CSTF1: variants seen among roughly 807,000 people sequenced by gnomAD.
The protein encoded by CSTF1 is CF-1 50 kDa subunit.
CSTF1 carries 2 observed loss-of-function variants against 40.9 expected under a neutral mutation model. That is an observed-to-expected ratio of 0.05 (90% CI 0.02 to 0.15). CSTF1 has a LOEUF of 0.15. Among genes scored for constraint, CSTF1 ranks in the 10% least tolerant of loss-of-function variants. The pLI is 1.00. For missense variants in CSTF1, 279 were observed against 558.9 expected, an observed-to-expected ratio of 0.50 and a Z score of 5.05; for synonymous variants, 218 against 207.2, an observed-to-expected ratio of 1.05 and a Z score of -0.45.
At position 56,404,985 on chromosome 20, in the gene CSTF1, A is replaced by G. The variant is rs1490845563; in HGVS notation, c.*1258A>G. 1 of 151,456 alleles carries G rather than the reference A, an allele frequency of 6.6e-6. No individual in the cohort carries two copies. The highest frequency in any genetic ancestry group is 2.4e-5 in the African/African-American group (1 of 41,118). The allele number at this position is 151,456 out of a possible 1,614,324, so 9.4% of individuals were successfully genotyped here. A position where few individuals can be genotyped will look rare whatever the true frequency, so the allele number is the denominator to read the frequency against. Reference sequence around the variant, plus strand: ...CAGCCTTCCTGAAGCTTTTTAGAACATGACAGTACTTCTCTGGATTCAGCA... The same window carrying G: ...CAGCCTTCCTGAAGCTTTTTAGAACGTGACAGTACTTCTCTGGATTCAGCA... On this transcript the variant is annotated 3_prime_UTR_variant, in exon 6 of 6. Coordinates refer to ENST00000217109, the MANE Select transcript of CSTF1 (RefSeq NM_001324.3).
intron 4 of CSTF1, among the ~76,000 whole-genome samples, chr20:56,398,467 G>A (rs1452578197): frequency 6.6e-6 from 1 of 152,214 alleles, no homozygotes; most frequent in East Asian, 1.9e-4. Context: ...CTACTCAGGA[G>A]GCGGAGGCAA....
intron 5 of CSTF1, among the ~76,000 whole-genome samples, chr20:56,401,444 G>C (rs746008274): frequency 6.6e-6 from 1 of 152,176 alleles, no homozygotes; most frequent in Non-Finnish European, 1.5e-5. Flanking sequence ...GAGATTTCGG[G>C]AAATCATATT....
In CSTF1 at chr20:56,397,311, A is replaced by G. The variant is rs551234706; in HGVS notation, c.274A>G (p.Met92Val). ...GGAATTTGATGCAGATGTTCAGACTATGTCCCCAGAGGCTTCTGAGTACGA... is the reference window on the plus strand; with the variant it reads ...GGAATTTGATGCAGATGTTCAGACTGTGTCCCCAGAGGCTTCTGAGTACGA... ...DLEFDADVQTMSPEASEYETC... is the reference protein window; with the variant it reads ...DLEFDADVQTVSPEASEYETC... The change falls in exon 3 of 6, where the codon ATG becomes GTG. Residue 92 changes from methionine to valine, a missense_variant. Met to Val is a conservative substitution (Grantham distance 21). This residue lies in a region of CSTF1 where 66 missense variants were observed against 148.0 expected (regional missense o/e 0.45). Coordinates refer to ENST00000217109, the MANE Select transcript of CSTF1 (RefSeq NM_001324.3). This position sits in a 1 kb window ranked among gnomAD's most constrained non-coding sequence, Gnocchi z 4.4. The G allele has an allele frequency of 4.3e-6, 7 of 1,614,214 alleles. No individual in the cohort carries two copies. The highest frequency in any genetic ancestry group is 2.7e-5 in the African/African-American group (2 of 75,056).
chr20:56,393,212 G>A (rs1319019940), intron 1 of CSTF1, among the ~76,000 whole-genome samples: 1 of 151,584 alleles, frequency 6.6e-6, no homozygotes, highest in Non-Finnish European at 1.5e-5. Flanking sequence ...GATGTGCTCA[G>A]CAGAAGTGAA....
rs1978368771 is a variant in CSTF1, at chr20:56,399,634, A to G, written c.1036+277A>G. ...GCAAGTAACATTTGAGAACCTGGTGATCCATTTGTAGACTGGCATGCCCTC... is the reference window on the plus strand; with the variant it reads ...GCAAGTAACATTTGAGAACCTGGTGGTCCATTTGTAGACTGGCATGCCCTC... On this transcript the variant is annotated intron_variant, in intron 5 of 5. Coordinates refer to ENST00000217109, the MANE Select transcript of CSTF1 (RefSeq NM_001324.3). The surrounding 1 kb of genome is among the most constrained non-coding windows in gnomAD (Gnocchi z 4.6). Among the ~76,000 whole-genome samples the G allele has an allele frequency of 6.6e-6, 1 of 152,206 alleles. No homozygotes were observed. The highest frequency in any genetic ancestry group is 1.5e-5 in the Non-Finnish European group (1 of 68,030).
At position 56,404,001 on chromosome 20, in the gene CSTF1, T is replaced by C. The variant is rs1978593980; in HGVS notation, c.*274T>C. ...TAAGTACAGGACTTGCCGTTTCTTT[T>C]GATCTCTTGATTGAAGGAGGATAGG... On this transcript the variant is annotated 3_prime_UTR_variant, in exon 6 of 6. Transcript: ENST00000217109. 2.8e-6 allele frequency: 1 copy of C among 357,146 alleles called. No individual in the cohort carries two copies. Among genetic ancestry groups the C allele is most frequent in the African/African-American group, 2.0e-5 (1 of 49,608 alleles). The allele number at this position is 357,146 out of a possible 1,614,324, so 22.1% of individuals were successfully genotyped here.
intron 1 of CSTF1, among the ~76,000 whole-genome samples, chr20:56,393,801 G>C (rs1355015945): frequency 6.6e-6 from 1 of 152,134 alleles, no homozygotes; most frequent in Non-Finnish European, 1.5e-5. Flanking sequence ...ATCTTCCCTG[G>C]TTTATAAGGA....
In CSTF1 at chr20:56,403,731, A is replaced by G. The variant is rs767553332; in HGVS notation, c.*4A>G. 1.2e-6 allele frequency: 2 copies of G among 1,609,456 alleles called. No homozygotes were observed. Among genetic ancestry groups the G allele is most frequent in the East Asian group, 4.5e-5 (2 of 44,736 alleles). Reference sequence around the variant, plus strand: ...CCGGAGATCGACCACTGACTGAGCCACCCTCTCCGTAGGGTTCTTTCTCGA... The same window carrying G: ...CCGGAGATCGACCACTGACTGAGCCGCCCTCTCCGTAGGGTTCTTTCTCGA... On this transcript the variant is annotated 3_prime_UTR_variant, in exon 6 of 6. Transcript: ENST00000217109.
rs1389408344 is a variant in CSTF1, at chr20:56,399,442, C to G, written c.1036+85C>G. ...CTTTTAAGACCTCACAATAGAGCAACACAATATCTATGCATTGAGCAAGGC... is the reference window on the plus strand; with the variant it reads ...CTTTTAAGACCTCACAATAGAGCAAGACAATATCTATGCATTGAGCAAGGC... On this transcript the variant is annotated intron_variant, in intron 5 of 5. Transcript: ENST00000217109. This position sits in a 1 kb window ranked among gnomAD's most constrained non-coding sequence, Gnocchi z 4.6. The G allele has an allele frequency of 8.2e-6, 10 of 1,217,128 alleles. No individual in the cohort carries two copies. The highest frequency in any genetic ancestry group is 1.2e-5 in the Non-Finnish European group (10 of 868,338). The allele number at this position is 1,217,128 out of a possible 1,614,324, so 75.4% of individuals were successfully genotyped here.
chr20:56,400,244 CATT>C (rs1456953696), intron 5 of CSTF1, among the ~76,000 whole-genome samples: 1 of 152,182 alleles, frequency 6.6e-6, no homozygotes, highest in Non-Finnish European at 1.5e-5. Flanking sequence ...AGATTTGTCT[CATT>C]GTAACCAAAG....
intron 4 of CSTF1, 50 bp from the exon 5 acceptor site, chr20:56,398,917 T>G: frequency 2.7e-6 from 4 of 1,485,084 alleles, no homozygotes; most frequent in Non-Finnish European, 3.6e-6. Flanking sequence ...TTCCTCTGGA[T>G]TTAATTGTTC....
chr20:56,392,793 T>C (rs1987304909), intron 1 of CSTF1, 80 bp downstream of exon 1: 1 of 152,232 alleles, frequency 6.6e-6, no homozygotes, highest in Non-Finnish European at 1.5e-5. Flanking sequence ...GGGGCGAGAC[T>C]GGAAGAGTCG....
chr20:56,395,429 C>A, intron 1 of CSTF1, 92 bp from the exon 2 acceptor site: 2 of 737,252 alleles, frequency 2.7e-6, no homozygotes, highest in South Asian at 2.1e-5. Context: ...GGATTTGAGT[C>A]CTGCAAGATT....
At chr20:56,402,057 A>G (rs999538807) in intron 5 of CSTF1, among the ~76,000 whole-genome samples, 14 of 152,088 alleles carry the variant, frequency 9.2e-5, no homozygotes, top group African/African-American at 3.4e-4. Flanking sequence ...CTATTATCCC[A>G]GCACTTTGGG....
chr20:56,399,241 C>T lies in CSTF1; in HGVS notation c.920C>T (p.Ala307Val). 6.2e-7 allele frequency: 1 copy of T among 1,614,218 alleles called. No individual in the cohort carries two copies. Among genetic ancestry groups the T allele is most frequent in the Non-Finnish European group, 8.5e-7 (1 of 1,180,040 alleles). ...ITTFEKAHDG[A>V]EVCSAIFSKN... ...ACTTTTGAGAAAGCACATGACGGTG[C>T]TGAAGTTTGTTCTGCCATTTTTTCC... The change falls in exon 5 of 6, where the codon GCT (alanine) becomes GTT (valine). Residue 307 changes from alanine (A) to valine (V), a missense_variant. Ala to Val is a moderately conservative substitution (Grantham distance 64). This residue lies in a region of CSTF1 where 162 missense variants were observed against 337.1 expected (regional missense o/e 0.48). Coordinates refer to ENST00000217109, the MANE Select transcript of CSTF1 (RefSeq NM_001324.3). The surrounding 1 kb of genome is among the most constrained non-coding windows in gnomAD (Gnocchi z 4.6).
At position 56,397,170 on chromosome 20, in the gene CSTF1, C is replaced by T; in HGVS notation, c.170-37C>T. The T allele has an allele frequency of 6.3e-7, 1 of 1,581,958 alleles. No homozygotes were observed. Among genetic ancestry groups the T allele is most frequent in the Non-Finnish European group, 8.6e-7 (1 of 1,163,260 alleles). The stretch of plus-strand genomic sequence containing the variant: ...ATCTTGGCCTTTTTAAGAAAAAACA[C>T]TTGTTTTGTTACGCCCTTAATTTTG... On this transcript the variant is annotated intron_variant, in intron 2 of 5. Coordinates refer to ENST00000217109, the MANE Select transcript of CSTF1 (RefSeq NM_001324.3). This position sits in a 1 kb window ranked among gnomAD's most constrained non-coding sequence, Gnocchi z 4.4.
chr20:56,394,894 T>C (rs1385847242), intron 1 of CSTF1, among the ~76,000 whole-genome samples: 1 of 152,234 alleles, frequency 6.6e-6, no homozygotes, highest in African/African-American at 2.4e-5. Flanking sequence ...CAATATTTTA[T>C]TGGGCAGCTC....
At position 56,398,669 on chromosome 20, in the gene CSTF1, C is replaced by T. The variant is rs1209622802; in HGVS notation, c.646-298C>T. Among the ~76,000 whole-genome samples, 3 of 152,186 alleles carry T rather than the reference C, an allele frequency of 2.0e-5. No homozygotes were observed. The East Asian group carries it at 5.8e-4, about 29-fold the overall frequency. ...ACAAGTTGTACTTCAGTTAACCATG[C>T]ATGAATGTGTCATTGTCTGATAATA... On this transcript the variant is annotated intron_variant, in intron 4 of 5. Coordinates refer to ENST00000217109, the MANE Select transcript of CSTF1 (RefSeq NM_001324.3).
At chr20:56,392,536 C>G (rs1987278842), upstream of CSTF1, 1 of 152,160 alleles carries the variant, frequency 6.6e-6, no homozygotes, top group South Asian at 2.1e-4. Context: ...TTTGAACGTG[C>G]CAGTAAGTAA....
Sources: gnomAD v4.1 joint callset for allele counts (sites outside exome capture counted in the v4.1 genomes callset) on GRCh38, gnomAD v4.1.1 for gene constraint, gnomAD v4.1.1 regional missense constraint, Gnocchi (gnomAD v3.1) non-coding constraint, MANE v1.5 for transcripts, NCBI Gene and HGNC (gene_info 2026-07-23, HGNC 2026-07-21) for gene names.